The following ARHGAP24 variants were observed in gnomAD, a reference collection of about 807,000 sequenced individuals.
The protein encoded by ARHGAP24 is rho GTPase-activating protein 24.
A neutral mutation model predicts 76.4 loss-of-function variants in ARHGAP24; 50 were observed. That is an observed-to-expected ratio of 0.65 (90% CI 0.52 to 0.83). The LOEUF is 0.83. ARHGAP24 is among the 40% of genes least tolerant of loss of function. ARHGAP24 has a pLI of 0.00. For synonymous variants in ARHGAP24, 345 were observed against 323.3 expected, an observed-to-expected ratio of 1.07 and a Z score of -0.72; for missense variants, 930 against 914.2, an observed-to-expected ratio of 1.02 and a Z score of -0.22.
chr4:85,828,435 A>G (rs1221004025), intron 3 of ARHGAP24, among the ~76,000 whole-genome samples: 1 of 152,184 alleles, frequency 6.6e-6, no homozygotes, highest in Non-Finnish European at 1.5e-5. Flanking sequence ...ATCTGTTGAC[A>G]AAAGCAGTGG....
intron 3 of ARHGAP24, among the ~76,000 whole-genome samples, chr4:85,855,552 A>G (rs925785192): frequency 1.3e-5 from 2 of 151,602 alleles, no homozygotes; most frequent in African/African-American, 4.8e-5. Flanking sequence ...ACTAAAGTAC[A>G]AAAATTAGCT....
At chr4:85,769,598 T>C (rs1464410646) in intron 3 of ARHGAP24, among the ~76,000 whole-genome samples, 3 of 152,056 alleles carry the variant, frequency 2.0e-5, no homozygotes, top group South Asian at 2.1e-4. Context: ...ACACAGTAAA[T>C]TGTTAGTAGT....
intron 2 of ARHGAP24, among the ~76,000 whole-genome samples, chr4:85,636,960 A>T (rs1416487069): frequency 1.3e-5 from 2 of 152,052 alleles, no homozygotes; most frequent in Admixed American, 1.3e-4. Context: ...CAAAGGAAGG[A>T]ATGAACATAT....
At chr4:85,819,457 C>A (rs1352287710) in intron 3 of ARHGAP24, among the ~76,000 whole-genome samples, 2 of 151,746 alleles carry the variant, frequency 1.3e-5, no homozygotes, top group African/African-American at 4.8e-5. Flanking sequence ...AATTTTTCCA[C>A]CTTTGTTGCT....
intron 3 of ARHGAP24, among the ~76,000 whole-genome samples, chr4:85,795,704 A>G (rs1244567671): frequency 2.0e-5 from 3 of 151,784 alleles, no homozygotes; most frequent in African/African-American, 7.3e-5. Context: ...TTCCTCAAAT[A>G]GGGGAGATAT....
chr4:85,665,498 C>A (rs1292193432), intron 2 of ARHGAP24, among the ~76,000 whole-genome samples: 1 of 152,130 alleles, frequency 6.6e-6, no homozygotes, highest in Non-Finnish European at 1.5e-5. Flanking sequence ...TTAATTGGAG[C>A]ATTTAGTCCA....
intron 1 of ARHGAP24, among the ~76,000 whole-genome samples, chr4:85,517,765 AG>A (rs1258409847): frequency 6.6e-6 from 1 of 152,082 alleles, no homozygotes; most frequent in Non-Finnish European, 1.5e-5. Context: ...TTTGACTTTT[AG>A]GTTGAAAAAC....
intron 2 of ARHGAP24, among the ~76,000 whole-genome samples, chr4:85,591,031 G>GTTTTT (rs35373441): frequency 2.9e-4 from 18 of 62,654 alleles, no homozygotes; most frequent in South Asian, 7.5e-4. Flanking sequence ...AATCTGCTGG[G>GTTTTT]TTTTTTTTTT....
At chr4:85,949,809 C>A (rs183386428) in intron 5 of ARHGAP24, among the ~76,000 whole-genome samples, 1 of 152,284 alleles carries the variant, frequency 6.6e-6, no homozygotes, top group African/African-American at 2.4e-5. Flanking sequence ...TATCAACAGT[C>A]ACGTCTGTGA....
chr4:85,671,359 T>A (rs1192999209), intron 2 of ARHGAP24, among the ~76,000 whole-genome samples: 2 of 152,176 alleles, frequency 1.3e-5, no homozygotes, highest in Admixed American at 6.6e-5. Flanking sequence ...CACAGGTCCA[T>A]TATAATAATT....
At chr4:85,723,320 T>G (rs1725030107) in intron 3 of ARHGAP24, 1 of 152,198 alleles carries the variant, frequency 6.6e-6, no homozygotes, top group Admixed American at 6.6e-5. Context: ...TGCAAGGAGG[T>G]TTCATCTTTT....
At chr4:85,610,819 GT>G (rs1720357681) in intron 2 of ARHGAP24, among the ~76,000 whole-genome samples, 1 of 152,018 alleles carries the variant, frequency 6.6e-6, no homozygotes, top group Non-Finnish European at 1.5e-5. Context: ...CTCAATTTTG[GT>G]GGCTCTTACA....
chr4:85,614,249 G>T (rs1333962369), intron 2 of ARHGAP24, among the ~76,000 whole-genome samples: 1 of 152,000 alleles, frequency 6.6e-6, no homozygotes, highest in Admixed American at 6.6e-5. Flanking sequence ...GAGATGGCCT[G>T]GCATCTGATC....
At chr4:85,848,359 G>A (rs1166985586) in intron 3 of ARHGAP24, among the ~76,000 whole-genome samples, 1 of 152,098 alleles carries the variant, frequency 6.6e-6, no homozygotes, top group African/African-American at 2.4e-5. Flanking sequence ...ACAGGCCCTG[G>A]TGTGTGATGT....
chr4:85,969,064 C>T (rs908674934), intron 5 of ARHGAP24, among the ~76,000 whole-genome samples: 2 of 152,086 alleles, frequency 1.3e-5, no homozygotes, highest in African/African-American at 2.4e-5. Flanking sequence ...ATTCTTGGAA[C>T]ATTACTGCAG....
intron 3 of ARHGAP24, among the ~76,000 whole-genome samples, chr4:85,850,627 C>A (rs1389753016): frequency 6.6e-6 from 1 of 152,054 alleles, no homozygotes; most frequent in Non-Finnish European, 1.5e-5. Flanking sequence ...TAAATGTGTC[C>A]CAGAGATTCT....
intron 6 of ARHGAP24, among the ~76,000 whole-genome samples, chr4:85,973,499 G>C (rs1383052272): frequency 1.3e-5 from 2 of 151,980 alleles, no homozygotes; most frequent in African/African-American, 4.8e-5. Context: ...TTTATTGATG[G>C]TGTCCTTTGA....
intron 2 of ARHGAP24, among the ~76,000 whole-genome samples, chr4:85,658,804 T>C (rs531520542): frequency 6.6e-6 from 1 of 152,176 alleles, no homozygotes; most frequent in African/African-American, 2.4e-5. Flanking sequence ...AGGATGTACA[T>C]GGCCAAATGT....
chr4:85,974,986 G>A lies in ARHGAP24; in HGVS notation c.806+25G>A, dbSNP rs79321661. The A allele has an allele frequency of 5.9e-4, 948 of 1,593,366 alleles. 17 individuals are homozygous for A. The East Asian group carries it at 0.015, about 26-fold the overall frequency. On this transcript the variant is annotated intron_variant, in intron 7 of 9. Coordinates refer to ENST00000395184, the MANE Select transcript of ARHGAP24 (RefSeq NM_001025616.3). ...GGTAAGAACTGTCCTAAGGACAAAC[G>A]TAAACAAGACAAGACATATTTAGCC...
Sources: allele counts gnomAD v4.1 joint callset (sites outside exome capture counted in the v4.1 genomes callset), GRCh38; gene constraint gnomAD v4.1.1; transcripts MANE v1.5; gene names NCBI Gene and HGNC (gene_info 2026-07-23, HGNC 2026-07-21).